Variants in SMG9 observed in about 807,000 individuals in gnomAD.
SMG9 encodes the protein SMG9 nonsense mediated mRNA decay factor.
In SMG9, 55 loss-of-function variants were observed where a neutral mutation model predicts 64.0. That is an observed-to-expected ratio of 0.86 (90% CI 0.69 to 1.08). The LOEUF is 1.08. SMG9 is among the 50% of genes least tolerant of loss of function. The pLI is 0.00. For synonymous variants in SMG9, 244 were observed against 254.8 expected (o/e 0.96, Z 0.41); for missense variants, 554 against 681.3 (o/e 0.81, Z 2.08).
Position 43,731,354 on chromosome 19 carries a change from C to A in SMG9, c.*242G>T. On this transcript the variant is annotated 3_prime_UTR_variant, in exon 14 of 14. Coordinates refer to ENST00000270066, the MANE Select transcript of SMG9 (RefSeq NM_019108.4). ...CCACTGCTTGTCCCTGTGGAGGACA[C>A]AGGACGGGCTACCCCATCTCAGGTT... 1 of 1,326,908 alleles carries A rather than the reference C, an allele frequency of 7.5e-7. No homozygotes were observed. Among genetic ancestry groups the A allele is most frequent in the South Asian group, 1.8e-5 (1 of 54,744 alleles). 82.2% of individuals were successfully genotyped at this position (1,326,908 alleles called of 1,614,324 possible).
Position 43,732,763 on chromosome 19 carries a change from G to A in SMG9, c.1484+95C>T, listed in dbSNP as rs150769660. Reference sequence around the variant, plus strand: ...AGGAACCTGGGATCTGGAGAGGAGGGGCTTCACAAGGTCATGCCGATCTAA... The same window carrying A: ...AGGAACCTGGGATCTGGAGAGGAGGAGCTTCACAAGGTCATGCCGATCTAA... On this transcript the variant is annotated intron_variant, in intron 13 of 13. Coordinates refer to ENST00000270066, the MANE Select transcript of SMG9 (RefSeq NM_019108.4). 217 of 1,462,834 alleles carry A rather than the reference G, an allele frequency of 1.5e-4. No individual in the cohort carries two copies. The East Asian group carries it at 4.9e-3, about 33-fold the overall frequency. 90.6% of individuals were successfully genotyped at this position (1,462,834 alleles called of 1,614,324 possible).
At chr19:43,735,126 T>C (rs1968614663) in intron 9 of SMG9, among the ~76,000 whole-genome samples, 2 of 152,346 alleles carry the variant, frequency 1.3e-5, no homozygotes, top group Non-Finnish European at 2.9e-5. Flanking sequence ...ATTACAAGTA[T>C]ATAGCATTTT....
At chr19:43,737,553 T>C in intron 9 of SMG9, 44 bp downstream of exon 9, 1 of 1,557,658 alleles carries the variant, frequency 6.4e-7, no homozygotes, top group Non-Finnish European at 8.8e-7. Flanking sequence ...CTTTGTCTCC[T>C]GCCTCATTCC....
chr19:43,734,321 G>A (rs914503383), intron 10 of SMG9, 68 bp downstream of exon 10: 74 of 1,250,480 alleles, frequency 5.9e-5, no homozygotes, highest in Admixed American at 4.2e-4. Context: ...CTTCTCCAGC[G>A]TGCTCCTGAC....
chr19:43,751,060 G>C (rs1048669698), intron 1 of SMG9, among the ~76,000 whole-genome samples: 1 of 151,738 alleles, frequency 6.6e-6, no homozygotes, highest in East Asian at 1.9e-4. Context: ...CCTGACCTCA[G>C]GTGATGCACC....
chr19:43,735,207 T>G (rs1401885711), intron 9 of SMG9, among the ~76,000 whole-genome samples: 1 of 152,228 alleles, frequency 6.6e-6, no homozygotes, highest in African/African-American at 2.4e-5. Context: ...CTCATTTCTT[T>G]TCAGTGCTGA....
At chr19:43,733,172 G>T in intron 12 of SMG9, 152 bp downstream of exon 12, 1 of 1,347,566 alleles carries the variant, frequency 7.4e-7, no homozygotes. Flanking sequence ...CACACCCCAG[G>T]AACAAACCAG....
chr19:43,748,062 G>T lies in SMG9; in HGVS notation c.151-10C>A. The T allele has an allele frequency of 1.2e-6, 2 of 1,601,808 alleles. No homozygotes were observed. Among genetic ancestry groups the T allele is most frequent in the Non-Finnish European group, 1.7e-6 (2 of 1,173,730 alleles). On this transcript the variant is annotated splice_polypyrimidine_tract_variant and intron_variant, in intron 2 of 13. Transcript: ENST00000270066. ...TCTCTTCGCTGGCATCCTGTGGTGA[G>T]GGAGGGCAGTTACTCATGAATGGCT...
chr19:43,750,120 C>T (rs113903561), intron 2 of SMG9: 107 of 520,494 alleles, frequency 2.1e-4, no homozygotes, highest in African/African-American at 2.0e-3. Flanking sequence ...CTCAAACTCT[C>T]CAATGCCAAT....
chr19:43,733,315 T>TGTTA lies in SMG9; in HGVS notation c.1339+8_1339+9insTAAC. ...TGTCTCTCCATGAACCTGTTGAGGG[T>TGTTA]AACTGTACCTGCTCTTGGTGGGTTT... On this transcript the variant is annotated intron_variant, in intron 12 of 13. Transcript: ENST00000270066. 2 of 1,613,748 alleles carry TGTTA rather than the reference T, an allele frequency of 1.2e-6. No homozygotes were observed. Among genetic ancestry groups the TGTTA allele is most frequent in the Non-Finnish European group, 1.7e-6 (2 of 1,179,816 alleles).
chr19:43,739,823 G>C, intron 7 of SMG9: 4 of 420,028 alleles, frequency 9.5e-6, no homozygotes, highest in Non-Finnish European at 1.8e-5. Context: ...CAGCTGGTAA[G>C]AACTAACAGA....
At chr19:43,745,116 GAA>G (rs1476091568) in intron 5 of SMG9, among the ~76,000 whole-genome samples, 1 of 152,234 alleles carries the variant, frequency 6.6e-6, no homozygotes, top group Non-Finnish European at 1.5e-5. Flanking sequence ...CTCTGAAGTA[GAA>G]AAGAGCCTAG....
intron 7 of SMG9, among the ~76,000 whole-genome samples, chr19:43,738,821 A>G (rs926924600): frequency 8.5e-5 from 13 of 152,326 alleles, no homozygotes; most frequent in African/African-American, 3.1e-4. Flanking sequence ...TGTCTTGTTT[A>G]ACTTCCGTCC....
intron 6 of SMG9, among the ~76,000 whole-genome samples, chr19:43,744,266 C>G (rs890324610): frequency 2.6e-5 from 4 of 152,236 alleles, no homozygotes; most frequent in African/African-American, 9.6e-5. Flanking sequence ...AGAAACCACT[C>G]TCTGTCTCCA....
intron 12 of SMG9, 76 bp from the exon 13 acceptor site, chr19:43,733,078 T>A: frequency 1.3e-6 from 2 of 1,512,384 alleles, no homozygotes; most frequent in Non-Finnish European, 8.9e-7. Context: ...ATCCTGGGCT[T>A]CAAGGAGCAC....
chr19:43,735,440 A>C (rs555009968), intron 9 of SMG9, among the ~76,000 whole-genome samples: 4 of 152,156 alleles, frequency 2.6e-5, no homozygotes, highest in East Asian at 1.9e-4. Context: ...CAACATCGCG[A>C]AACTGTGTCT....
intron 6 of SMG9, among the ~76,000 whole-genome samples, chr19:43,742,967 C>T (rs552881750): frequency 6.6e-6 from 1 of 151,878 alleles, no homozygotes; most frequent in Admixed American, 6.6e-5. Flanking sequence ...CCCAGCTACT[C>T]GGGAGGCTGA....
At chr19:43,750,238 T>C (rs906270930) in intron 2 of SMG9, 5 of 538,656 alleles carry the variant, frequency 9.3e-6, no homozygotes, top group Non-Finnish European at 1.5e-5. Flanking sequence ...TCCTCATCAA[T>C]TGCAGCCATC....
intron 13 of SMG9, chr19:43,732,345 G>A (rs943027534): frequency 1.8e-5 from 3 of 165,976 alleles, no homozygotes; most frequent in Admixed American, 1.1e-4. Flanking sequence ...AGGGGCCACA[G>A]AGCTAGTGCC....
Sources: gnomAD v4.1 joint callset for allele counts (sites outside exome capture counted in the v4.1 genomes callset) on GRCh38, gnomAD v4.1.1 for gene constraint, MANE v1.5 for transcripts, NCBI Gene and HGNC (gene_info 2026-07-23, HGNC 2026-07-21) for gene names.